LINGO2: variants seen among roughly 807,000 people sequenced by gnomAD.
LINGO2 encodes leucine-rich repeat and immunoglobulin-like domain-containing nogo receptor-interacting protein 2.
Under a neutral mutation model 30.6 loss-of-function variants are expected in LINGO2, and 14 were observed. The ratio of observed to expected loss-of-function variants is 0.46; its 90% CI spans 0.30 to 0.72. LINGO2 has a LOEUF of 0.72. Ranked by LOEUF, LINGO2 falls within the 30% of genes least tolerant of loss-of-function variation. LINGO2 has a pLI of 0.07. For missense variants in LINGO2, 729 were observed against 751.7 expected, an observed-to-expected ratio of 0.97 and a Z score of 0.35; for synonymous variants, 317 against 288.5, an observed-to-expected ratio of 1.10 and a Z score of -1.00.
At chr9:28,338,621 A>C (rs2134378106) in intron 3 of LINGO2, among the ~76,000 whole-genome samples, 1 of 152,230 alleles carries the variant, frequency 6.6e-6, no homozygotes, top group South Asian at 2.1e-4. Flanking sequence ...GTGGAAGGTA[A>C]GTTAGTCATG....
At chr9:28,953,334 T>C in the LINGO2 span, among the ~76,000 whole-genome samples, 5 of 152,270 alleles carry the variant, frequency 3.3e-5, no homozygotes, top group African/African-American at 1.2e-4. Flanking sequence ...TCAGGGTCTA[T>C]ATACTCTTTA....
At chr9:28,521,411 T>C (rs1045781749) in intron 1 of LINGO2, among the ~76,000 whole-genome samples, 3 of 152,012 alleles carry the variant, frequency 2.0e-5, no homozygotes, top group Admixed American at 6.6e-5. Flanking sequence ...AACCTAGAAA[T>C]AGATTCATGA....
At chr9:28,010,298 T>C (rs1043234665) in intron 5 of LINGO2, among the ~76,000 whole-genome samples, 1 of 152,190 alleles carries the variant, frequency 6.6e-6, no homozygotes, top group Non-Finnish European at 1.5e-5. Context: ...ATAACTGATT[T>C]GTATGGAGAT....
the LINGO2 span, among the ~76,000 whole-genome samples, chr9:29,206,422 C>T: frequency 6.6e-6 from 1 of 152,116 alleles, no homozygotes; most frequent in Non-Finnish European, 1.5e-5. Context: ...AGGAGTCTAT[C>T]GATGTTTTCA....
intron 2 of LINGO2, among the ~76,000 whole-genome samples, chr9:28,397,442 T>G (rs1258522311): frequency 2.7e-5 from 4 of 150,292 alleles, no homozygotes; most frequent in African/African-American, 9.7e-5. Context: ...TACCTCACAT[T>G]GTTATCATTT....
the LINGO2 span, among the ~76,000 whole-genome samples, chr9:28,967,058 G>A: frequency 1.3e-5 from 2 of 152,166 alleles, no homozygotes; most frequent in Non-Finnish European, 2.9e-5. Context: ...GGTATTTCAC[G>A]CATGACCATA....
At chr9:29,109,563 A>T in the LINGO2 span, among the ~76,000 whole-genome samples, 1 of 152,180 alleles carries the variant, frequency 6.6e-6, no homozygotes, top group Admixed American at 6.5e-5. Context: ...AATGTCTGAA[A>T]GTCCATGGCC....
chr9:29,213,281 G>C, the LINGO2 span, among the ~76,000 whole-genome samples: 2 of 152,072 alleles, frequency 1.3e-5, no homozygotes, highest in African/African-American at 4.8e-5. Context: ...GCTTTCTCTC[G>C]ATAATGCCCC....
intron 1 of LINGO2, among the ~76,000 whole-genome samples, chr9:28,536,846 G>C (rs1253813926): frequency 2.0e-5 from 3 of 151,996 alleles, no homozygotes; most frequent in Non-Finnish European, 2.9e-5. Flanking sequence ...CCTACCAATA[G>C]TGTCTCTGTT....
intron 4 of LINGO2, among the ~76,000 whole-genome samples, chr9:28,066,531 A>G (rs542049263): frequency 6.6e-6 from 1 of 152,158 alleles, no homozygotes; most frequent in Middle Eastern, 3.4e-3. Flanking sequence ...TAGCTAGGAG[A>G]ATAGGAATTC....
intron 1 of LINGO2, among the ~76,000 whole-genome samples, chr9:28,549,053 G>A (rs952462247): frequency 1.3e-5 from 2 of 152,010 alleles, no homozygotes; most frequent in East Asian, 3.9e-4. Context: ...CCTGTATACA[G>A]TTCTTTCAGA....
chr9:28,133,094 A>C (rs1827422032), intron 4 of LINGO2, among the ~76,000 whole-genome samples: 1 of 152,194 alleles, frequency 6.6e-6, no homozygotes, highest in Non-Finnish European at 1.5e-5. Flanking sequence ...TCAAACCACA[A>C]AGCAGCTGAC....
the LINGO2 span, among the ~76,000 whole-genome samples, chr9:28,769,493 TATATATATATATATATATATATA>T: frequency 5.0e-4 from 4 of 8,058 alleles, 1 homozygote; most frequent in African/African-American, 1.4e-3. Context: ...TATATATATA[TATATATATATATATATATATATA>T]TATTTTTTTT....
chr9:28,685,081 C>A, the LINGO2 span, among the ~76,000 whole-genome samples: 1 of 152,088 alleles, frequency 6.6e-6, no homozygotes, highest in African/African-American at 2.4e-5. Flanking sequence ...CATGTGGTAT[C>A]TGGTTTCCTG....
intron 4 of LINGO2, among the ~76,000 whole-genome samples, chr9:28,290,382 A>C (rs530848305): frequency 1.3e-5 from 2 of 152,150 alleles, no homozygotes; most frequent in South Asian, 4.1e-4. Flanking sequence ...AAGACTTTGG[A>C]CTGCCTGAGG....
rs1824518801 is a variant in LINGO2 at position 28,309,497 on chromosome 9, GGT to G, written c.-245-14133_-245-14132del. The stretch of plus-strand genomic sequence containing the variant: ...ACCTAATGCAAAATGATGAGTTAAT[GGT>G]TGCAGCACACCAGCATGGCACATGT... On this transcript the variant is annotated intron_variant, in intron 3 of 5. Transcript: ENST00000379992. Among the ~76,000 whole-genome samples, 3 of 151,638 alleles carry G rather than the reference GGT, an allele frequency of 2.0e-5. No individual in the cohort carries two copies. The South Asian group carries it at 6.2e-4, about 32-fold the overall frequency.
intron 4 of LINGO2, among the ~76,000 whole-genome samples, chr9:28,244,730 C>T (rs1011169955): frequency 3.3e-5 from 5 of 151,732 alleles, no homozygotes; most frequent in African/African-American, 1.2e-4. Context: ...TGGACACATA[C>T]ACCCTCCCAA....
chr9:28,030,419 T>C (rs968014728), intron 4 of LINGO2, among the ~76,000 whole-genome samples: 1 of 152,200 alleles, frequency 6.6e-6, no homozygotes, highest in African/African-American at 2.4e-5. Flanking sequence ...TGCAATTAAC[T>C]CAGAAGAAGT....
the LINGO2 span, among the ~76,000 whole-genome samples, chr9:28,675,905 G>GTATATGTA: frequency 7.9e-6 from 1 of 126,064 alleles, no homozygotes; most frequent in East Asian, 2.5e-4. Flanking sequence ...GTGTGTGTAT[G>GTATATGTA]TATATATATA....
Sources: allele counts gnomAD v4.1 joint callset (sites outside exome capture counted in the v4.1 genomes callset), GRCh38; gene constraint gnomAD v4.1.1; transcripts MANE v1.5; gene names NCBI Gene and HGNC (gene_info 2026-07-23, HGNC 2026-07-21).